The following GABRB2 variants were observed in gnomAD, a reference collection of about 807,000 sequenced individuals.
GABRB2 encodes gamma-aminobutyric acid receptor subunit beta-2.
Under a neutral mutation model 54.7 loss-of-function variants are expected in GABRB2, and 16 were observed. The observed-to-expected ratio is 0.29, with a 90% confidence interval of 0.20 to 0.44. The LOEUF (loss-of-function observed/expected upper bound fraction) is 0.44, where lower values mean the gene tolerates loss of function less well. Ranked by LOEUF, GABRB2 falls within the 20% of genes least tolerant of loss-of-function variation. The pLI is 1.00. For synonymous variants in GABRB2, 244 were observed against 233.8 expected (o/e 1.04, Z -0.40); for missense variants, 355 against 644.0 (o/e 0.55, Z 4.86).
At chr5:161,450,777 G>T (rs941469546) in intron 4 of GABRB2, among the ~76,000 whole-genome samples, 1 of 152,008 alleles carries the variant, frequency 6.6e-6, no homozygotes, top group Non-Finnish European at 1.5e-5. Flanking sequence ...TAATCTTATA[G>T]GACAATCATG....
At chr5:161,542,311 C>T (rs1181730230) in intron 3 of GABRB2, among the ~76,000 whole-genome samples, 1 of 152,088 alleles carries the variant, frequency 6.6e-6, no homozygotes, top group Non-Finnish European at 1.5e-5. Flanking sequence ...GAGAAACAGG[C>T]TCATTATAGA....
At chr5:161,407,123 C>T (rs1264082375) in intron 5 of GABRB2, among the ~76,000 whole-genome samples, 2 of 152,056 alleles carry the variant, frequency 1.3e-5, no homozygotes, top group Non-Finnish European at 2.9e-5. Flanking sequence ...TTCAGACAAG[C>T]AGTTCACACG....
At position 161,506,889 on chromosome 5, in the gene GABRB2, G is replaced by T. The variant is rs549750098; in HGVS notation, c.237+38338C>A. 1.5e-3 allele frequency among the ~76,000 whole-genome samples: 229 copies of T among 152,150 alleles called. 1 individual carries two copies. Among genetic ancestry groups the T allele is most frequent in the Non-Finnish European group, 2.9e-3 (199 of 67,936 alleles). ...TGTTGGAAAATCAGTTATCCAAATA[G>T]AAAAAATGATTTTCTACCTCAAATC... On this transcript the variant is annotated intron_variant, in intron 3 of 9. Transcript: ENST00000393959.
At chr5:161,540,849 T>C (rs553556363) in intron 3 of GABRB2, among the ~76,000 whole-genome samples, 1 of 152,170 alleles carries the variant, frequency 6.6e-6, no homozygotes, top group East Asian at 1.9e-4. Flanking sequence ...ATTATTATTA[T>C]TATTATTATT....
At chr5:161,392,817 C>T (rs2113044069) in intron 5 of GABRB2, among the ~76,000 whole-genome samples, 1 of 152,078 alleles carries the variant, frequency 6.6e-6, no homozygotes, top group Non-Finnish European at 1.5e-5. Context: ...GAAATGAAAG[C>T]TAAATTAGAG....
chr5:161,503,207 C>G (rs1759501601), intron 3 of GABRB2, among the ~76,000 whole-genome samples: 1 of 150,320 alleles, frequency 6.7e-6, no homozygotes, highest in African/African-American at 2.5e-5. Context: ...TTTATGTATT[C>G]AAGGGAAAAG....
intron 5 of GABRB2, among the ~76,000 whole-genome samples, chr5:161,372,258 C>A (rs576191392): frequency 1.3e-5 from 2 of 152,088 alleles, no homozygotes; most frequent in Non-Finnish European, 2.9e-5. Flanking sequence ...GAAGTGTGGA[C>A]CCACTGGGGC....
chr5:161,294,545 C>A, intron 9 of GABRB2, 117 bp from the exon 10 acceptor site: 1 of 793,994 alleles, frequency 1.3e-6, no homozygotes, highest in East Asian at 2.6e-5. Context: ...AGAGAGCTAC[C>A]TTTGCGATTA....
At chr5:161,339,713 C>T (rs1041385577) in intron 5 of GABRB2, among the ~76,000 whole-genome samples, 4 of 152,060 alleles carry the variant, frequency 2.6e-5, no homozygotes, top group Non-Finnish European at 5.9e-5. Context: ...TATTTATACA[C>T]ATTATTTGAA....
Position 161,498,288 on chromosome 5 carries a change from A to G in GABRB2, c.238-38444T>C, listed in dbSNP as rs79884232. Among the ~76,000 whole-genome samples, 175 of 152,178 alleles carry G rather than the reference A, an allele frequency of 1.1e-3. No homozygotes were observed. In the East Asian group the frequency reaches 0.028, roughly 24 times the overall value. On this transcript the variant is annotated intron_variant, in intron 3 of 9. Transcript: ENST00000393959. Reference sequence around the variant, plus strand: ...TAATGCTTCACATTAACTCTCCTGGATATTTTTGATGAACCACCACTCTTT... The same window carrying G: ...TAATGCTTCACATTAACTCTCCTGGGTATTTTTGATGAACCACCACTCTTT...
chr5:161,429,367 A>G (rs1757109948), intron 4 of GABRB2, among the ~76,000 whole-genome samples: 1 of 150,334 alleles, frequency 6.7e-6, no homozygotes, highest in South Asian at 2.1e-4. Flanking sequence ...AAGAAAAAGA[A>G]AAAAAAAGAA....
chr5:161,368,116 GACACACACACACAC>G (rs11467721), intron 5 of GABRB2, among the ~76,000 whole-genome samples: 2 of 144,914 alleles, frequency 1.4e-5, no homozygotes, highest in South Asian at 2.3e-4. Flanking sequence ...CTCCCTCTCT[GACACACACACACAC>G]ACACACACAC....
At chr5:161,505,784 A>G (rs1023569125) in intron 3 of GABRB2, among the ~76,000 whole-genome samples, 7 of 152,152 alleles carry the variant, frequency 4.6e-5, no homozygotes, top group Non-Finnish European at 1.0e-4. Flanking sequence ...TATAAATAGG[A>G]TGGAATTTTC....
intron 5 of GABRB2, among the ~76,000 whole-genome samples, chr5:161,400,499 C>T (rs1172933834): frequency 1.3e-5 from 2 of 152,026 alleles, no homozygotes; most frequent in Non-Finnish European, 2.9e-5. Flanking sequence ...CCTAAACTGC[C>T]TTTTTTAGAT....
chr5:161,545,437 TAAA>T (rs56952727), intron 2 of GABRB2, 143 bp from the exon 3 acceptor site: 5,385 of 321,846 alleles, frequency 0.017, no homozygotes, highest in East Asian at 0.022. Flanking sequence ...CTTTTTTTGT[TAAA>T]AAAAAAAAAA....
chr5:161,305,307 C>T (rs189716872), intron 9 of GABRB2, among the ~76,000 whole-genome samples: 7 of 152,250 alleles, frequency 4.6e-5, no homozygotes, highest in East Asian at 3.9e-4. Flanking sequence ...TGAGCCACCA[C>T]GCCCGGCCGA....
At chr5:161,494,536 TGC>T (rs1323943439) in intron 3 of GABRB2, among the ~76,000 whole-genome samples, 5 of 85,210 alleles carry the variant, frequency 5.9e-5, no homozygotes, top group East Asian at 3.1e-4. Flanking sequence ...CTGTTAGGTA[TGC>T]GTGTGTGTGT....
At chr5:161,527,931 G>T (rs904165846) in intron 3 of GABRB2, among the ~76,000 whole-genome samples, 1 of 151,422 alleles carries the variant, frequency 6.6e-6, no homozygotes, top group Non-Finnish European at 1.5e-5. Flanking sequence ...CATGTTCTGG[G>T]GTCCAGTAAT....
chr5:161,509,922 G>T (rs1242266527), intron 3 of GABRB2, among the ~76,000 whole-genome samples: 1 of 151,828 alleles, frequency 6.6e-6, no homozygotes, highest in East Asian at 1.9e-4. Flanking sequence ...GATTAGGATG[G>T]AGTTTCACCT....
Sources: allele counts gnomAD v4.1 joint callset (sites outside exome capture counted in the v4.1 genomes callset), GRCh38; gene constraint gnomAD v4.1.1; transcripts MANE v1.5; gene names NCBI Gene and HGNC (gene_info 2026-07-23, HGNC 2026-07-21).